VPS13B: variants seen among roughly 807,000 people sequenced by gnomAD.
VPS13B encodes the protein intermembrane lipid transfer protein VPS13B.
Under a neutral mutation model 426.4 loss-of-function variants are expected in VPS13B, and 285 were observed. The ratio of observed to expected loss-of-function variants is 0.67; its 90% CI spans 0.61 to 0.74. The LOEUF (loss-of-function observed/expected upper bound fraction) is 0.74. Ranked by LOEUF, VPS13B falls within the 30% of genes least tolerant of loss-of-function variation. VPS13B has a pLI of 0.00. For synonymous variants in VPS13B, 1,676 were observed against 1,676.4 expected (o/e 1.00, Z 0.01); for missense variants, 4,537 against 4,782.6 (o/e 0.95, Z 1.51).
At chr8:99,784,897 A>G (rs1482746580) in intron 43 of VPS13B, among the ~76,000 whole-genome samples, 18 of 152,194 alleles carry the variant, frequency 1.2e-4, no homozygotes, top group Admixed American at 1.0e-3. Context: ...CGGTATTATT[A>G]TTCATTTGTT....
intron 43 of VPS13B, among the ~76,000 whole-genome samples, chr8:99,795,935 A>G (rs895340732): frequency 3.9e-5 from 6 of 152,230 alleles, no homozygotes; most frequent in African/African-American, 1.4e-4. Context: ...TGTCCTATTC[A>G]GTGGGGGGAA....
chr8:99,274,367 C>T, intron 18 of VPS13B, 35 bp downstream of exon 18: 2 of 1,613,834 alleles, frequency 1.2e-6, no homozygotes, highest in Non-Finnish European at 8.5e-7. Context: ...ACTTTATTGC[C>T]TGTATAGGAG....
At chr8:99,663,283 G>A (rs1830314458) in intron 35 of VPS13B, among the ~76,000 whole-genome samples, 1 of 152,106 alleles carries the variant, frequency 6.6e-6, no homozygotes, top group African/African-American at 2.4e-5. Context: ...TTGTCACTGG[G>A]GACGAATTCT....
chr8:99,717,112 T>C, intron 36 of VPS13B, 59 bp from the exon 37 acceptor site: 3 of 1,483,436 alleles, frequency 2.0e-6, no homozygotes, highest in Non-Finnish European at 2.8e-6. Context: ...AGATAGTTCT[T>C]TCCCAAACAT....
At chr8:99,321,476 G>A (rs1422516721) in intron 19 of VPS13B, among the ~76,000 whole-genome samples, 1 of 151,946 alleles carries the variant, frequency 6.6e-6, no homozygotes, top group Non-Finnish European at 1.5e-5. Context: ...CCAAAGTGTT[G>A]GGATTACAGG....
chr8:99,130,072 A>G (rs1464018308), intron 8 of VPS13B, among the ~76,000 whole-genome samples: 1 of 152,258 alleles, frequency 6.6e-6, no homozygotes, highest in South Asian at 2.1e-4. Flanking sequence ...TGTGTATAAA[A>G]TTTTTATAGA....
intron 19 of VPS13B, among the ~76,000 whole-genome samples, chr8:99,323,463 T>G (rs1413595344): frequency 6.6e-6 from 1 of 152,194 alleles, no homozygotes; most frequent in Non-Finnish European, 1.5e-5. Context: ...CATTTTTGCA[T>G]TGAGAAAACA....
At chr8:99,324,191 T>G (rs990570693) in intron 19 of VPS13B, among the ~76,000 whole-genome samples, 2 of 152,216 alleles carry the variant, frequency 1.3e-5, no homozygotes, top group African/African-American at 4.8e-5. Flanking sequence ...AGCAGAGATA[T>G]GAACATGGGA....
At chr8:99,420,717 A>T (rs1205448387) in intron 21 of VPS13B, among the ~76,000 whole-genome samples, 2 of 152,162 alleles carry the variant, frequency 1.3e-5, no homozygotes, top group Admixed American at 6.5e-5. Context: ...CACACATTCA[A>T]ATATTTAAAG....
intron 35 of VPS13B, among the ~76,000 whole-genome samples, chr8:99,691,481 C>G (rs190193693): frequency 1.3e-5 from 2 of 151,742 alleles, no homozygotes; most frequent in African/African-American, 4.8e-5. Flanking sequence ...GTATTGTGCA[C>G]GGGTGACTCA....
chr8:99,597,209 C>T (rs72674675), intron 33 of VPS13B, among the ~76,000 whole-genome samples: 28,283 of 151,888 alleles, frequency 0.19, 3,214 homozygotes, highest in East Asian at 0.45. Context: ...CCCTGTGACA[C>T]TGGCCTGGCC....
At chr8:99,640,049 G>GAAGAAGAGAAA (rs1299280170) in intron 33 of VPS13B, among the ~76,000 whole-genome samples, 38 of 99,712 alleles carry the variant, frequency 3.8e-4, no homozygotes, top group Non-Finnish European at 4.6e-4. Flanking sequence ...AGAAGAAGAA[G>GAAGAAGAGAAA]AGAAAAGAAA....
intron 33 of VPS13B, among the ~76,000 whole-genome samples, chr8:99,608,802 T>G (rs2133870919): frequency 6.6e-6 from 1 of 152,288 alleles, no homozygotes; most frequent in Non-Finnish European, 1.5e-5. Flanking sequence ...TCTATATTAT[T>G]CCTCTACGTT....
chr8:99,629,186 A>G (rs1388314857), intron 33 of VPS13B, among the ~76,000 whole-genome samples: 1 of 152,192 alleles, frequency 6.6e-6, no homozygotes, highest in Admixed American at 6.5e-5. Context: ...GAGTTGATGT[A>G]CATGGTGCAC....
chr8:99,532,609 T>C (rs1481313213), intron 30 of VPS13B, among the ~76,000 whole-genome samples: 1 of 152,036 alleles, frequency 6.6e-6, no homozygotes, highest in East Asian at 1.9e-4. Flanking sequence ...TGAGCAACTT[T>C]TGCAACAGTG....
chr8:99,317,507 T>C (rs1809736708), intron 19 of VPS13B, among the ~76,000 whole-genome samples: 2 of 152,188 alleles, frequency 1.3e-5, no homozygotes, highest in Admixed American at 1.3e-4. Flanking sequence ...GGTTTTCATA[T>C]ACATTTGTGT....
intron 19 of VPS13B, 25 bp downstream of exon 19, chr8:99,275,279 C>A: frequency 6.5e-7 from 1 of 1,531,792 alleles, no homozygotes; most frequent in Non-Finnish European, 8.7e-7. Context: ...ATCATTATTC[C>A]CTTGTTTTGC....
At chr8:99,863,102 C>T (rs1816915506) in intron 58 of VPS13B, among the ~76,000 whole-genome samples, 1 of 152,136 alleles carries the variant, frequency 6.6e-6, no homozygotes, top group Non-Finnish European at 1.5e-5. Context: ...GGCAAGTTCT[C>T]CTCTGAACCT....
intron 17 of VPS13B, among the ~76,000 whole-genome samples, chr8:99,264,513 G>C (rs72672342): frequency 0.06 from 9,154 of 152,102 alleles, 286 homozygotes; most frequent in South Asian, 0.1. Flanking sequence ...TTTAGGGTGG[G>C]AGTGATTTTC....
Sources: allele counts gnomAD v4.1 joint callset (sites outside exome capture counted in the v4.1 genomes callset), GRCh38; gene constraint gnomAD v4.1.1; transcripts MANE v1.5; gene names NCBI Gene and HGNC (gene_info 2026-07-23, HGNC 2026-07-21).